ANKRD30BL: variants seen among roughly 807,000 people sequenced by gnomAD.
ANKRD30BL encodes ankyrin repeat domain 30B like, also known as putative ankyrin repeat domain-containing protein 30B-like.
Under a neutral mutation model 18.4 loss-of-function variants are expected in ANKRD30BL, and 20 were observed. The observed-to-expected ratio is 1.09, with a 90% confidence interval of 0.77 to 1.58. ANKRD30BL has a LOEUF of 1.58. Ranked by LOEUF, ANKRD30BL falls within the 40% of genes most tolerant of loss-of-function variation. ANKRD30BL has a pLI of 0.00. For synonymous variants in ANKRD30BL, 72 were observed against 100.9 expected, an observed-to-expected ratio of 0.71 and a Z score of 1.72; for missense variants, 224 against 268.6, an observed-to-expected ratio of 0.83 and a Z score of 1.16.
intron 1 of ANKRD30BL, among the ~76,000 whole-genome samples, chr2:132,205,606 AAAAAAAAGAAAAAAG>A (rs1679197162): frequency 1.3e-5 from 2 of 151,546 alleles, no homozygotes; most frequent in South Asian, 2.1e-4. Context: ...CGTCTCAAAA[AAAAAAAAGAAAAAAG>A]AAAAAAAGAA....
chr2:132,193,720 T>C (rs1024405433), intron 1 of ANKRD30BL, among the ~76,000 whole-genome samples: 3 of 151,758 alleles, frequency 2.0e-5, no homozygotes, highest in Non-Finnish European at 2.9e-5. Context: ...TCACAGATCT[T>C]TATATAGTAG....
At chr2:132,148,659 C>T (rs1165749714) in intron 5 of ANKRD30BL, among the ~76,000 whole-genome samples, 1 of 151,904 alleles carries the variant, frequency 6.6e-6, no homozygotes, top group Non-Finnish European at 1.5e-5. Flanking sequence ...AGTGAGCCAC[C>T]GCTCCTGGAC....
Position 132,237,222 on chromosome 2 carries a change from A to G in ANKRD30BL, n.441+20307T>C, listed in dbSNP as rs145168280. ...GCCAACCAGCATGGCGCAAGTATAC[A>G]TATGTAACTAACCTGCACAATGTGC... On this transcript the variant is annotated intron_variant and non_coding_transcript_variant, in intron 1 of 4. Transcript: ENST00000470729. Among the ~76,000 whole-genome samples, 223 of 152,212 alleles carry G rather than the reference A, an allele frequency of 1.5e-3. 8 individuals carry two copies. The East Asian group carries it at 0.039, about 27-fold the overall frequency.
chr2:132,247,527 G>C (rs573237238), intron 1 of ANKRD30BL, among the ~76,000 whole-genome samples: 2 of 151,884 alleles, frequency 1.3e-5, no homozygotes, highest in South Asian at 4.1e-4. Context: ...TCAAATCCGT[G>C]TGATGAATGC....
intron 1 of ANKRD30BL, among the ~76,000 whole-genome samples, chr2:132,240,839 T>G (rs1194420611): frequency 1.3e-5 from 2 of 151,760 alleles, no homozygotes; most frequent in Non-Finnish European, 2.9e-5. Context: ...CACCTTCTCA[T>G]AAAAATTAGA....
intron 1 of ANKRD30BL, among the ~76,000 whole-genome samples, chr2:132,203,045 T>A (rs1478330629): frequency 2.6e-5 from 4 of 152,274 alleles, no homozygotes; most frequent in Non-Finnish European, 5.9e-5. Flanking sequence ...AATAGCAGAT[T>A]CAATATCAAA....
At chr2:132,228,747 C>G (rs1385301760) in intron 1 of ANKRD30BL, among the ~76,000 whole-genome samples, 1 of 144,224 alleles carries the variant, frequency 6.9e-6, no homozygotes, top group Admixed American at 6.7e-5. Flanking sequence ...TGCTTTGTGG[C>G]CTATGGTAGA....
intron 1 of ANKRD30BL, among the ~76,000 whole-genome samples, chr2:132,202,531 CAATTCA>C (rs1270169659): frequency 6.6e-6 from 1 of 151,038 alleles, no homozygotes; most frequent in Admixed American, 6.6e-5. Context: ...ACCCTGAATC[CAATTCA>C]AATTTCACTT....
chr2:132,222,114 G>A (rs576542032), intron 1 of ANKRD30BL, among the ~76,000 whole-genome samples: 54 of 147,040 alleles, frequency 3.7e-4, no homozygotes, highest in African/African-American at 8.0e-4. Flanking sequence ...CCGGCCAGCC[G>A]CCCTATCTGG....
intron 1 of ANKRD30BL, among the ~76,000 whole-genome samples, chr2:132,199,274 C>T (rs562461772): frequency 4.9e-4 from 74 of 152,000 alleles, no homozygotes; most frequent in South Asian, 8.3e-4. Context: ...ACAAGAGAAT[C>T]GCTTGAACTT....
intron 1 of ANKRD30BL, among the ~76,000 whole-genome samples, chr2:132,241,776 G>A (rs201447078): frequency 1.1e-4 from 16 of 151,892 alleles, no homozygotes; most frequent in African/African-American, 3.9e-4. Flanking sequence ...TGATACGCAA[G>A]TTTTGAAACA....
intron 5 of ANKRD30BL, among the ~76,000 whole-genome samples, chr2:132,149,945 C>T (rs1013224903): frequency 9.2e-5 from 14 of 152,112 alleles, no homozygotes; most frequent in Non-Finnish European, 2.1e-4. Flanking sequence ...AAAATAGAAA[C>T]TATGGGTTAA....
intron 1 of ANKRD30BL, among the ~76,000 whole-genome samples, chr2:132,199,625 G>C (rs1188588925): frequency 1.3e-5 from 2 of 151,832 alleles, no homozygotes; most frequent in Admixed American, 1.3e-4. Flanking sequence ...TCCTGCCTCA[G>C]CCTCATGAGT....
At chr2:132,148,357 T>A (rs1318446864) in intron 5 of ANKRD30BL, 129 bp from the exon 6 acceptor site, 1 of 325,010 alleles carries the variant, frequency 3.1e-6, no homozygotes, top group African/African-American at 4.0e-5. Flanking sequence ...TTCTCCTTTT[T>A]TTTTTTTTTT....
chr2:132,243,324 A>T (rs1485859048), intron 1 of ANKRD30BL, among the ~76,000 whole-genome samples: 2 of 151,802 alleles, frequency 1.3e-5, no homozygotes, highest in East Asian at 3.9e-4. Context: ...GTTTTGAAAA[A>T]TTCTTCATGT....
intron 1 of ANKRD30BL, among the ~76,000 whole-genome samples, chr2:132,249,896 C>T (rs999886528): frequency 6.6e-6 from 1 of 152,132 alleles, no homozygotes; most frequent in African/African-American, 2.4e-5. Context: ...CCAATCTGCT[C>T]AATGAAAAGA....
At chr2:132,154,608 G>A (rs1573799873) in intron 4 of ANKRD30BL, 54 bp downstream of exon 4, 5 of 560,854 alleles carry the variant, frequency 8.9e-6, no homozygotes, top group Admixed American at 3.4e-5. Context: ...TGACTTGAGA[G>A]TTATTACTCT....
chr2:132,198,043 T>C (rs1679000033), intron 1 of ANKRD30BL, among the ~76,000 whole-genome samples: 1 of 151,984 alleles, frequency 6.6e-6, no homozygotes, highest in Non-Finnish European at 1.5e-5. Flanking sequence ...TTATTTCTGA[T>C]TCTCATTTCT....
intron 1 of ANKRD30BL, among the ~76,000 whole-genome samples, chr2:132,209,865 A>G (rs1205399977): frequency 6.6e-6 from 1 of 151,600 alleles, no homozygotes; most frequent in Non-Finnish European, 1.5e-5. Context: ...CTTCACATAA[A>G]TACTAGACAG....
Sources: allele counts gnomAD v4.1 joint callset (sites outside exome capture counted in the v4.1 genomes callset), GRCh38; gene constraint gnomAD v4.1.1; transcripts MANE v1.5; gene names NCBI Gene and HGNC (gene_info 2026-07-23, HGNC 2026-07-21).